FAM118B: variants seen among roughly 807,000 people sequenced by gnomAD.
FAM118B encodes the protein protein FAM118B.
Under a neutral mutation model 38.5 loss-of-function variants are expected in FAM118B, and 24 were observed. That is an observed-to-expected ratio of 0.62 (90% CI 0.45 to 0.88). The LOEUF (loss-of-function observed/expected upper bound fraction) is 0.88, where lower values mean the gene tolerates loss of function less well. Ranked by LOEUF, FAM118B falls within the 40% of genes least tolerant of loss-of-function variation. The pLI is 0.00. For synonymous variants in FAM118B, 138 were observed against 156.3 expected, an observed-to-expected ratio of 0.88 and a Z score of 0.87; for missense variants, 334 against 420.0, an observed-to-expected ratio of 0.80 and a Z score of 1.79.
intron 3 of FAM118B, among the ~76,000 whole-genome samples, chr11:126,239,723 A>C (rs1052263113): frequency 6.6e-6 from 1 of 152,184 alleles, no homozygotes; most frequent in Non-Finnish European, 1.5e-5. Flanking sequence ...CATGTTGGCC[A>C]GGCTGGTCTT....
chr11:126,254,362 T>C lies in FAM118B; in HGVS notation c.625T>C (p.Tyr209His). Residue 209 changes from tyrosine to histidine, a missense_variant, in exon 6 of 9, where the codon TAC (tyrosine) becomes CAC (histidine). Physicochemically the swap from Tyr to His is moderately conservative, Grantham distance 83 (BLOSUM62 2). Around this residue, in one of 3 missense-constraint regions of FAM118B, gnomAD observed 240 missense variants for 295.9 expected, o/e 0.81. Coordinates refer to ENST00000533050, the MANE Select transcript of FAM118B (RefSeq NM_024556.4). Reference sequence around the variant, plus strand: ...GAGCGTGTTGCATATTCACGGAGTCTACACCAACCCTAGTGGCATTGTCCT... The same window carrying C: ...GAGCGTGTTGCATATTCACGGAGTCCACACCAACCCTAGTGGCATTGTCCT... The part of the protein sequence containing the change: ...KLSVLHIHGV[Y>H]TNPSGIVLHP... 6.2e-7 allele frequency: 1 copy of C among 1,614,216 alleles called. No homozygotes were observed. The highest frequency in any genetic ancestry group is 8.5e-7 in the Non-Finnish European group (1 of 1,180,024).
In FAM118B at chr11:126,250,815, G is replaced by C; in HGVS notation, c.567+82G>C. The C allele has an allele frequency of 9.0e-7, 1 of 1,113,488 alleles. No individual in the cohort carries two copies. The highest frequency in any genetic ancestry group is 1.3e-6 in the Non-Finnish European group (1 of 782,256). 69.0% of individuals were successfully genotyped at this position (1,113,488 alleles called of 1,614,324 possible). ...AAAGCTCTTTTCTAGTTGGTATATT[G>C]GTATTTATGTAGAGCTAGAAAGGAA... On this transcript the variant is annotated intron_variant, in intron 5 of 8. Coordinates refer to ENST00000533050, the MANE Select transcript of FAM118B (RefSeq NM_024556.4). This position sits in a 1 kb window ranked among gnomAD's most constrained non-coding sequence, Gnocchi z 5.1.
intron 1 of FAM118B, among the ~76,000 whole-genome samples, chr11:126,222,197 T>C (rs1264769116): frequency 6.6e-6 from 1 of 152,204 alleles, no homozygotes; most frequent in Non-Finnish European, 1.5e-5. Flanking sequence ...GAGATGATAA[T>C]AGCATCTACC....
At chr11:126,242,697 A>G (rs1950374408) in intron 4 of FAM118B, among the ~76,000 whole-genome samples, 1 of 152,220 alleles carries the variant, frequency 6.6e-6, no homozygotes, top group African/African-American at 2.4e-5. Flanking sequence ...GCCATTTCAC[A>G]CCCGCTGGCA....
rs143373552 is a variant in FAM118B at position 126,221,624 on chromosome 11, G to A, written c.-76-7601G>A. Among the ~76,000 whole-genome samples, 1,349 of 152,174 alleles carry A rather than the reference G, an allele frequency of 8.9e-3. 14 individuals carry two copies. Among genetic ancestry groups the A allele is most frequent in the Middle Eastern group, 0.031 (9 of 294 alleles). On this transcript the variant is annotated intron_variant, in intron 1 of 8. Transcript: ENST00000533050. ...ACCACCGAGATCTGAACTGAAGGTAGCGTTTTGGGAGTCCTTAGCGTTTAG... is the reference window on the plus strand; with the variant it reads ...ACCACCGAGATCTGAACTGAAGGTAACGTTTTGGGAGTCCTTAGCGTTTAG...
chr11:126,262,690 C>T lies in FAM118B; in HGVS notation c.*557C>T, dbSNP rs483668. On this transcript the variant is annotated 3_prime_UTR_variant, in exon 9 of 9. Transcript: ENST00000533050. ...CTACTTTTAGAGTCATTGTAAGAAA[C>T]TCTAACTTGCATCAAGGTACTAATA... The T allele has an allele frequency of 4.1e-3, 625 of 152,748 alleles. 4 individuals are homozygous for T. Among genetic ancestry groups the T allele is most frequent in the South Asian group, 6.0e-3 (29 of 4,830 alleles). 9.5% of individuals were successfully genotyped at this position (152,748 alleles called of 1,614,324 possible). A position where few individuals can be genotyped will look rare whatever the true frequency, so the allele number is the denominator to read the frequency against.
At chr11:126,248,121 G>A (rs1021269554) in intron 4 of FAM118B, among the ~76,000 whole-genome samples, 7 of 149,108 alleles carry the variant, frequency 4.7e-5, no homozygotes, top group African/African-American at 7.3e-5. Flanking sequence ...ACTCCAGGCT[G>A]GGCAACAGAG....
chr11:126,219,788 G>C (rs1027240001), intron 1 of FAM118B, among the ~76,000 whole-genome samples: 19 of 150,304 alleles, frequency 1.3e-4, no homozygotes, highest in Admixed American at 5.3e-4. Flanking sequence ...CCAGCCACTA[G>C]AAATAGACTG....
intron 1 of FAM118B, among the ~76,000 whole-genome samples, chr11:126,222,777 G>A (rs1489500577): frequency 2.0e-5 from 3 of 152,238 alleles, no homozygotes; most frequent in South Asian, 2.1e-4. Flanking sequence ...TTCCATCAGC[G>A]AATGTTTGAA....
chr11:126,254,024 A>C (rs1361594940), intron 5 of FAM118B, among the ~76,000 whole-genome samples: 1 of 152,206 alleles, frequency 6.6e-6, no homozygotes, highest in Admixed American at 6.5e-5. Flanking sequence ...CATGCATGCC[A>C]CCAGTGCAAA....
Position 126,244,733 on chromosome 11 carries a change from G to C in FAM118B, c.339+3689G>C, listed in dbSNP as rs1236021067. Among the ~76,000 whole-genome samples, 1 of 152,162 alleles carries C rather than the reference G, an allele frequency of 6.6e-6. No individual in the cohort carries two copies. The highest frequency in any genetic ancestry group is 2.4e-5 in the African/African-American group (1 of 41,422). ...GCAGGAGAATCACTTGAACCTGGGA[G>C]CAGAGGTTGCAGCGAGCCAGGATCC... On this transcript the variant is annotated intron_variant, in intron 4 of 8. Coordinates refer to ENST00000533050, the MANE Select transcript of FAM118B (RefSeq NM_024556.4). The surrounding 1 kb of genome is among the most constrained non-coding windows in gnomAD (Gnocchi z 4.5).
chr11:126,215,434 T>C (rs1949965394), intron 1 of FAM118B, among the ~76,000 whole-genome samples: 1 of 152,154 alleles, frequency 6.6e-6, no homozygotes, highest in Non-Finnish European at 1.5e-5. Context: ...CGCGGTGGCT[T>C]ACGCCTGTAA....
intron 1 of FAM118B, among the ~76,000 whole-genome samples, chr11:126,224,790 G>T (rs1039088795): frequency 6.6e-6 from 1 of 152,170 alleles, no homozygotes; most frequent in Non-Finnish European, 1.5e-5. Context: ...TGGAGGGAGG[G>T]TATGTGAGAA....
At chr11:126,217,444 C>T (rs1220136656) in intron 1 of FAM118B, among the ~76,000 whole-genome samples, 1 of 152,206 alleles carries the variant, frequency 6.6e-6, no homozygotes, top group South Asian at 2.1e-4. Flanking sequence ...AAATACTGTT[C>T]ACTGTTGAGC....
At chr11:126,254,935 A>G (rs931096031) in intron 6 of FAM118B, among the ~76,000 whole-genome samples, 1 of 152,094 alleles carries the variant, frequency 6.6e-6, no homozygotes, top group Admixed American at 6.6e-5. Flanking sequence ...GTCAAACCCT[A>G]TGATCTTTGT....
At chr11:126,214,492 T>TTTG (rs1949944532) in intron 1 of FAM118B, 1 of 83,968 alleles carries the variant, frequency 1.2e-5, no homozygotes, top group Non-Finnish European at 2.6e-5. Context: ...TTGTTTCTGT[T>TTTG]TTTTTTTTTT....
chr11:126,223,004 C>T (rs1302383525), intron 1 of FAM118B, among the ~76,000 whole-genome samples: 1 of 141,482 alleles, frequency 7.1e-6, no homozygotes, highest in Non-Finnish European at 1.5e-5. Context: ...CAGATGGTAA[C>T]ATTTAAATTG....
chr11:126,239,082 C>T (rs987637203), intron 3 of FAM118B, among the ~76,000 whole-genome samples: 1 of 151,296 alleles, frequency 6.6e-6, no homozygotes, highest in Non-Finnish European at 1.5e-5. Context: ...ACGTGATCCT[C>T]CCGTGAACTT....
In FAM118B at chr11:126,211,942, G is replaced by A. The variant is rs563238658; in HGVS notation, c.-77+112G>A. 1.6e-5 allele frequency: 6 copies of A among 380,844 alleles called. No homozygotes were observed. The South Asian group carries it at 1.9e-4, about 12-fold the overall frequency. The allele number at this position is 380,844 out of a possible 1,614,324, so 23.6% of individuals were successfully genotyped here. A position where few individuals can be genotyped will look rare whatever the true frequency, so the allele number is the denominator to read the frequency against. ...CAAGAAGAGCACTGGTCTGAGAAACGTTTCTCCTTTTGGTACACGATCCCA... is the reference window on the plus strand; with the variant it reads ...CAAGAAGAGCACTGGTCTGAGAAACATTTCTCCTTTTGGTACACGATCCCA... On this transcript the variant is annotated intron_variant, in intron 1 of 8. Coordinates refer to ENST00000533050, the MANE Select transcript of FAM118B (RefSeq NM_024556.4).
Sources: allele counts gnomAD v4.1 joint callset (sites outside exome capture counted in the v4.1 genomes callset), GRCh38; gene constraint gnomAD v4.1.1; regional missense constraint gnomAD v4.1.1; non-coding constraint Gnocchi (gnomAD v3.1); transcripts MANE v1.5; gene names NCBI Gene and HGNC (gene_info 2026-07-23, HGNC 2026-07-21).